Variants in RELN observed in about 807,000 individuals in gnomAD.
RELN encodes the protein reelin.
RELN carries 108 observed loss-of-function variants against 427.6 expected under a neutral mutation model. The ratio of observed to expected loss-of-function variants is 0.25; its 90% CI spans 0.22 to 0.30. The LOEUF (loss-of-function observed/expected upper bound fraction) is 0.30, where lower values mean the gene tolerates loss of function less well. RELN is among the 10% of genes least tolerant of loss of function. The probability of loss-of-function intolerance (pLI) is 1.00; values close to 1 mark genes in which losing one functional copy is unlikely to be tolerated. For synonymous variants in RELN, 1,524 were observed against 1,513.4 expected (o/e 1.01, Z -0.16); for missense variants, 3,715 against 4,302.8 (o/e 0.86, Z 3.82).
chr7:103,794,418 C>G (rs1792246493), intron 3 of RELN, among the ~76,000 whole-genome samples: 1 of 152,218 alleles, frequency 6.6e-6, no homozygotes, highest in African/African-American at 2.4e-5. Flanking sequence ...CTTTCCCCAA[C>G]CAAAGACCCT....
chr7:103,495,978 G>GAGGA, intron 56 of RELN, 80 bp from the exon 57 acceptor site: 14 of 1,422,242 alleles, frequency 9.8e-6, no homozygotes, highest in Non-Finnish European at 1.4e-5. Context: ...TTATTCTCTT[G>GAGGA]AACTGACCGA....
chr7:103,534,967 C>T (rs1830017704), intron 46 of RELN, among the ~76,000 whole-genome samples: 1 of 152,184 alleles, frequency 6.6e-6, no homozygotes, highest in South Asian at 2.1e-4. Flanking sequence ...CTGTTTCAGT[C>T]TATTCTGTAT....
chr7:103,785,855 G>A (rs1385196661), intron 3 of RELN, among the ~76,000 whole-genome samples: 1 of 151,964 alleles, frequency 6.6e-6, no homozygotes, highest in African/African-American at 2.4e-5. Flanking sequence ...AGAATTGAAA[G>A]GGAATTAAAG....
At chr7:103,604,299 C>A (rs201354738) in intron 23 of RELN, 47 bp downstream of exon 23, 97 of 1,612,216 alleles carry the variant, frequency 6.0e-5, no homozygotes, top group Admixed American at 1.7e-5. Context: ...CCTCCAGCCA[C>A]AAATCTTGAG....
intron 6 of RELN, among the ~76,000 whole-genome samples, chr7:103,741,553 G>A (rs1790656813): frequency 6.6e-6 from 1 of 151,840 alleles, no homozygotes; most frequent in Admixed American, 6.6e-5. Flanking sequence ...AGAAAAAAAG[G>A]AGGATGGGAG....
intron 24 of RELN, among the ~76,000 whole-genome samples, chr7:103,602,339 C>A (rs575556556): frequency 2.7e-4 from 41 of 152,154 alleles, no homozygotes; most frequent in Non-Finnish European, 5.1e-4. Flanking sequence ...GGGTATATAC[C>A]CAAAGGATTA....
chr7:103,776,824 T>C (rs1451302318), intron 3 of RELN, among the ~76,000 whole-genome samples, 197 bp from the exon 4 acceptor site: 1 of 152,224 alleles, frequency 6.6e-6, no homozygotes, highest in Admixed American at 6.5e-5. Flanking sequence ...GACTGTCTTC[T>C]GGTTTTACTA....
intron 3 of RELN, among the ~76,000 whole-genome samples, chr7:103,780,724 C>A (rs1791867628): frequency 6.6e-6 from 1 of 152,138 alleles, no homozygotes; most frequent in South Asian, 2.1e-4. Flanking sequence ...CTATGAAGGA[C>A]CTGATCTCAT....
intron 2 of RELN, among the ~76,000 whole-genome samples, chr7:103,909,764 A>G (rs1298943788): frequency 1.0e-5 from 1 of 97,534 alleles, no homozygotes; most frequent in Non-Finnish European, 1.8e-5. Flanking sequence ...TTAAATATAT[A>G]TATTTAATAT....
chr7:103,592,065 T>C (rs2299340), intron 27 of RELN, among the ~76,000 whole-genome samples: 36,078 of 151,990 alleles, frequency 0.24, 5,137 homozygotes, highest in South Asian at 0.38. Flanking sequence ...TTAAAATCCA[T>C]TGTAATCTGA....
rs1584426273 is a variant in RELN at position 103,989,470 on chromosome 7, G to C, written c.-114C>G. On this transcript the variant is annotated 5_prime_UTR_variant, in exon 1 of 65. Coordinates refer to ENST00000428762, the MANE Select transcript of RELN (RefSeq NM_005045.4). The surrounding 1 kb of genome is among the most constrained non-coding windows in gnomAD (Gnocchi z 4.9). Reference sequence around the variant, plus strand: ...GAGAAGGCGAGAAGAAGGCGGACGGGAGCGGAACGGGCTCGGGAGCGGGCC... The same window carrying C: ...GAGAAGGCGAGAAGAAGGCGGACGGCAGCGGAACGGGCTCGGGAGCGGGCC... 14 of 923,170 alleles carry C rather than the reference G, an allele frequency of 1.5e-5. No individual in the cohort carries two copies. The East Asian group carries it at 4.8e-4, about 31-fold the overall frequency. The allele number at this position is 923,170 out of a possible 1,614,324, so 57.2% of individuals were successfully genotyped here. A position where few individuals can be genotyped will look rare whatever the true frequency, so the allele number is the denominator to read the frequency against.
rs66678362 is a variant in RELN, at chr7:103,949,022, C to CAAAA, written c.227-31841_227-31838dup. ...GGGTGATGGAATGAGACATTGTCTC[C>CAAAA]AAAAAAAAAAAAAAAAAAAAAAAAA... On this transcript the variant is annotated intron_variant, in intron 1 of 64. Coordinates refer to ENST00000428762, the MANE Select transcript of RELN (RefSeq NM_005045.4). Among the ~76,000 whole-genome samples, 230 of 88,810 alleles carry CAAAA rather than the reference C, an allele frequency of 2.6e-3. 2 individuals are homozygous for CAAAA. The highest frequency in any genetic ancestry group is 1.0e-2 in the African/African-American group (213 of 21,376). 58.3% of individuals were successfully genotyped at this position (88,810 alleles called of 152,430 possible).
At chr7:103,756,565 T>C (rs1010244992) in intron 4 of RELN, among the ~76,000 whole-genome samples, 1 of 152,202 alleles carries the variant, frequency 6.6e-6, no homozygotes. Context: ...TCCTTAGTTG[T>C]AATATATTTT....
intron 3 of RELN, among the ~76,000 whole-genome samples, chr7:103,822,920 C>CA (rs1198249383): frequency 0.026 from 20 of 780 alleles, 4 homozygotes; most frequent in East Asian, 0.091. Flanking sequence ...GACTCCGTCT[C>CA]AAAAAAAAAA....
chr7:103,732,887 T>C (rs1406294381), intron 6 of RELN, among the ~76,000 whole-genome samples: 1 of 152,104 alleles, frequency 6.6e-6, no homozygotes, highest in East Asian at 1.9e-4. Context: ...CTGATGGTAG[T>C]TTCTTTTGCT....
chr7:103,528,529 A>G (rs1210924108), intron 46 of RELN, among the ~76,000 whole-genome samples: 3 of 151,158 alleles, frequency 2.0e-5, no homozygotes, highest in African/African-American at 7.3e-5. Context: ...TGAATTGTAC[A>G]CTTTATTTTT....
At chr7:103,621,880 G>C (rs1832226569) in intron 20 of RELN, among the ~76,000 whole-genome samples, 1 of 152,128 alleles carries the variant, frequency 6.6e-6, no homozygotes, top group African/African-American at 2.4e-5. Flanking sequence ...GCCATGTGTG[G>C]TGGCAGGCGC....
chr7:103,580,855 C>T (rs1408809654), intron 28 of RELN, among the ~76,000 whole-genome samples: 1 of 152,196 alleles, frequency 6.6e-6, no homozygotes, highest in Non-Finnish European at 1.5e-5. Flanking sequence ...TCCTTGGCTC[C>T]TCATTGTATC....
Position 103,598,582 on chromosome 7 carries a change from C to T in RELN, c.3334-1921G>A, listed in dbSNP as rs906747930. Reference sequence around the variant, plus strand: ...CAATTAGTTGGTTGAAATGATTGCTCTACTGTGAAATTCAGAGTAGTGTTG... The same window carrying T: ...CAATTAGTTGGTTGAAATGATTGCTTTACTGTGAAATTCAGAGTAGTGTTG... On this transcript the variant is annotated intron_variant, in intron 24 of 64. Transcript: ENST00000428762. 2.0e-5 allele frequency among the ~76,000 whole-genome samples: 3 copies of T among 152,186 alleles called. No individual in the cohort carries two copies. The East Asian group carries it at 5.8e-4, about 29-fold the overall frequency.
Sources: gnomAD v4.1 joint callset for allele counts (sites outside exome capture counted in the v4.1 genomes callset) on GRCh38, gnomAD v4.1.1 for gene constraint, Gnocchi (gnomAD v3.1) non-coding constraint, MANE v1.5 for transcripts, NCBI Gene and HGNC (gene_info 2026-07-23, HGNC 2026-07-21) for gene names.